The following CHLSN variants were observed in gnomAD, a reference collection of about 807,000 sequenced individuals.
The protein encoded by CHLSN is protein cholesin.
the CHLSN span, chr7:1,000,494 C>G: frequency 6.2e-7 from 1 of 1,607,736 alleles, no homozygotes; most frequent in Non-Finnish European, 8.5e-7. Context: ...ACATGTGCAG[C>G]AGGAGCCACG....
the CHLSN span, among the ~76,000 whole-genome samples, chr7:1,114,801 G>A: frequency 6.6e-6 from 1 of 152,274 alleles, no homozygotes; most frequent in African/African-American, 2.4e-5. Context: ...CCGGGCGATG[G>A]GCAGGTGTCT....
chr7:978,693 C>A, the CHLSN span, among the ~76,000 whole-genome samples: 2 of 152,236 alleles, frequency 1.3e-5, no homozygotes, highest in African/African-American at 4.8e-5. Context: ...GTCTTATTAT[C>A]CTCATCTGAC....
At chr7:1,080,304 C>T in the CHLSN span, among the ~76,000 whole-genome samples, 227 of 152,372 alleles carry the variant, frequency 1.5e-3, 1 homozygote, top group African/African-American at 5.2e-3. Flanking sequence ...ACTCAAATGT[C>T]GCTCCCACGA....
chr7:997,295 A>G, the CHLSN span: 14 of 274,244 alleles, frequency 5.1e-5, no homozygotes, highest in Non-Finnish European at 8.8e-5. Flanking sequence ...AAAAATAGAC[A>G]TTTCCCTCCA....
chr7:1,006,064 C>T, the CHLSN span, among the ~76,000 whole-genome samples: 2 of 152,068 alleles, frequency 1.3e-5, no homozygotes, highest in East Asian at 3.9e-4. Flanking sequence ...ACTCTTTTTT[C>T]TCTTTAATGA....
At chr7:1,009,858 C>T in the CHLSN span, 1 of 1,143,998 alleles carries the variant, frequency 8.7e-7, no homozygotes, top group Non-Finnish European at 1.2e-6. Flanking sequence ...TAGAACCTTC[C>T]ACACAGTGTG....
the CHLSN span, among the ~76,000 whole-genome samples, chr7:980,976 A>AGCAGCCTGC: frequency 3.3e-5 from 5 of 151,998 alleles, no homozygotes; most frequent in East Asian, 7.8e-4. Flanking sequence ...TACAGGCATA[A>AGCAGCCTGC]GCCACTGCGC....
the CHLSN span, among the ~76,000 whole-genome samples, chr7:983,040 G>A: frequency 3.9e-4 from 58 of 149,426 alleles, no homozygotes; most frequent in African/African-American, 1.3e-3. Flanking sequence ...CACATTCCAC[G>A]CAGGCCTGCA....
the CHLSN span, among the ~76,000 whole-genome samples, chr7:1,071,400 G>A: frequency 6.6e-6 from 1 of 152,234 alleles, no homozygotes; most frequent in Admixed American, 6.5e-5. Flanking sequence ...AGTCTCAGGT[G>A]CGCTGAGAGG....
At chr7:1,009,612 C>G in the CHLSN span, among the ~76,000 whole-genome samples, 1 of 152,194 alleles carries the variant, frequency 6.6e-6, no homozygotes, top group African/African-American at 2.4e-5. Flanking sequence ...GAGTTCCCTC[C>G]TCCTCACCCC....
At chr7:1,013,242 G>A in the CHLSN span, among the ~76,000 whole-genome samples, 3 of 152,350 alleles carry the variant, frequency 2.0e-5, no homozygotes, top group East Asian at 1.9e-4. Flanking sequence ...TCCAAAGAAC[G>A]CGGGTTTCAC....
At chr7:1,001,935 G>T in the CHLSN span, among the ~76,000 whole-genome samples, 8 of 106,596 alleles carry the variant, frequency 7.5e-5, no homozygotes, top group African/African-American at 2.6e-4. Context: ...AGTCCTGCGG[G>T]TGGGGAGTCC....
At chr7:1,010,569 G>A in the CHLSN span, among the ~76,000 whole-genome samples, 1 of 152,208 alleles carries the variant, frequency 6.6e-6, no homozygotes, top group Non-Finnish European at 1.5e-5. Context: ...CCCAAATCCC[G>A]AGGACGGTGC....
the CHLSN span, among the ~76,000 whole-genome samples, chr7:1,090,087 A>G: frequency 6.6e-6 from 1 of 152,158 alleles, no homozygotes; most frequent in Non-Finnish European, 1.5e-5. Flanking sequence ...AACATTCAAA[A>G]CAATAACTCC....
the CHLSN span, among the ~76,000 whole-genome samples, chr7:1,123,682 C>T: frequency 6.6e-6 from 1 of 152,002 alleles, no homozygotes; most frequent in African/African-American, 2.4e-5. This position sits in a 1 kb window ranked among gnomAD's most constrained non-coding sequence, Gnocchi z 4.4. Context: ...CCCCATTTCA[C>T]TGGGAGACTG....
At chr7:1,008,871 G>A in the CHLSN span, among the ~76,000 whole-genome samples, 1 of 146,120 alleles carries the variant, frequency 6.8e-6, no homozygotes, top group East Asian at 2.0e-4. Flanking sequence ...GCACACACGT[G>A]TACGCAACAC....
the CHLSN span, chr7:1,138,209 G>GTCGCCCACC: frequency 1.8e-5 from 1 of 55,426 alleles, no homozygotes; most frequent in Non-Finnish European, 3.4e-5. Flanking sequence ...CTGCGCCCAC[G>GTCGCCCACC]TCGCCCACCT....
the CHLSN span, among the ~76,000 whole-genome samples, chr7:1,102,042 A>G: frequency 6.6e-6 from 1 of 152,198 alleles, no homozygotes; most frequent in African/African-American, 2.4e-5. Flanking sequence ...CTCTCCCCAC[A>G]GGGGCTGGGC....
the CHLSN span, among the ~76,000 whole-genome samples, chr7:1,101,464 A>G: frequency 6.6e-6 from 1 of 152,180 alleles, no homozygotes; most frequent in African/African-American, 2.4e-5. Context: ...GCATCTGCCA[A>G]CTGAGCCTCT....
Sources: allele counts gnomAD v4.1 joint callset (sites outside exome capture counted in the v4.1 genomes callset), GRCh38; gene constraint gnomAD v4.1.1; non-coding constraint Gnocchi (gnomAD v3.1); transcripts MANE v1.5; gene names NCBI Gene and HGNC (gene_info 2026-07-23, HGNC 2026-07-21).